PSD2: variants seen among roughly 807,000 people sequenced by gnomAD.
PSD2 encodes the protein PH and SEC7 domain-containing protein 2.
A neutral mutation model predicts 69.8 loss-of-function variants in PSD2; 38 were observed. The ratio of observed to expected loss-of-function variants is 0.54; its 90% confidence interval spans 0.42 to 0.71. The LOEUF is 0.71. PSD2 is among the 30% of genes least tolerant of loss of function. The pLI is 0.00. For synonymous variants in PSD2, 412 were observed against 423.0 expected (o/e 0.97, Z 0.32); for missense variants, 943 against 1,014.5 (o/e 0.93, Z 0.96).
At chr5:139,768,593 C>G in the PSD2 span, among the ~76,000 whole-genome samples, 2 of 152,040 alleles carry the variant, frequency 1.3e-5, no homozygotes. Flanking sequence ...CTTGGTGGCG[C>G]ATGCCTGTAA....
upstream of PSD2, among the ~76,000 whole-genome samples, chr5:139,791,700 G>A (rs1759419129): frequency 6.6e-6 from 1 of 152,266 alleles, no homozygotes; most frequent in South Asian, 2.1e-4. Context: ...AGGACACACA[G>A]CATGGTGAAA....
chr5:139,795,621 G>T (rs1384006172), upstream of PSD2, among the ~76,000 whole-genome samples: 5 of 151,884 alleles, frequency 3.3e-5, no homozygotes, highest in African/African-American at 4.8e-5. This position sits in a 1 kb window ranked among gnomAD's most constrained non-coding sequence, Gnocchi z 4.5. Context: ...GGTGGGCCGC[G>T]CTCTCCCCGG....
At chr5:139,781,610 C>T in the PSD2 span, among the ~76,000 whole-genome samples, 4 of 150,900 alleles carry the variant, frequency 2.7e-5, 1 homozygote, top group South Asian at 8.4e-4. Context: ...GCTGGGATTA[C>T]AGGTGTGAGC....
chr5:139,789,062 C>T, the PSD2 span, among the ~76,000 whole-genome samples: 2 of 152,216 alleles, frequency 1.3e-5, no homozygotes, highest in Non-Finnish European at 2.9e-5. Flanking sequence ...CCCAGGCCTC[C>T]GTGGCTCCCT....
chr5:139,791,871 T>A (rs528929720), upstream of PSD2, among the ~76,000 whole-genome samples: 11 of 152,302 alleles, frequency 7.2e-5, no homozygotes, highest in South Asian at 1.9e-3. Context: ...CTGGAGTTCC[T>A]TTGAGAGACA....
At chr5:139,817,676 T>A in intron 5 of PSD2, 115 bp downstream of exon 5, 1 of 879,718 alleles carries the variant, frequency 1.1e-6, no homozygotes, top group Non-Finnish European at 1.8e-6. Context: ...TTTTGACCCC[T>A]GGTGAGGCTG....
the PSD2 span, among the ~76,000 whole-genome samples, chr5:139,787,651 A>G: frequency 6.6e-6 from 1 of 152,138 alleles, no homozygotes; most frequent in African/African-American, 2.4e-5. Flanking sequence ...CGACCCCAAA[A>G]GAGCCCCCGT....
the PSD2 span, chr5:139,775,532 G>A: frequency 2.0e-5 from 3 of 152,458 alleles, no homozygotes; most frequent in Middle Eastern, 3.1e-3. Flanking sequence ...GAGACGTAGA[G>A]CCACTTACCC....
chr5:139,817,224 A>G (rs1207232169), intron 4 of PSD2, among the ~76,000 whole-genome samples: 1 of 152,182 alleles, frequency 6.6e-6, no homozygotes, highest in Non-Finnish European at 1.5e-5. Context: ...GGGACACTGC[A>G]TCATCCCACC....
Position 139,821,821 on chromosome 5 carries a change from G to C in PSD2, c.1098-72G>C, listed in dbSNP as rs1285139832. On this transcript the variant is annotated intron_variant, in intron 5 of 14. Coordinates refer to ENST00000274710, the MANE Select transcript of PSD2 (RefSeq NM_032289.4). ...TGGCCCCCTAGAGTGGGTGTGTGCT[G>C]TGTGTGTGGGGGGTGGTCTTACCCT... The C allele has an allele frequency of 2.0e-5, 16 of 818,910 alleles. No individual in the cohort carries two copies. In the East Asian group the frequency reaches 3.9e-4, roughly 20 times the overall value. 50.7% of individuals were successfully genotyped at this position (818,910 alleles called of 1,614,324 possible).
rs759043647 is a variant in PSD2 at position 139,821,443 on chromosome 5, G to A, written c.1098-450G>A. Among the ~76,000 whole-genome samples the A allele has an allele frequency of 3.1e-4, 47 of 152,176 alleles. 1 individual carries two copies. The highest frequency in any genetic ancestry group is 6.3e-4 in the Non-Finnish European group (43 of 68,032). ...AACTCAAACTTGGGGTAGGGGAGGAGTTGAGGGGCCAGAGTTGGGCCTGGG... is the reference window on the plus strand; with the variant it reads ...AACTCAAACTTGGGGTAGGGGAGGAATTGAGGGGCCAGAGTTGGGCCTGGG... On this transcript the variant is annotated intron_variant, in intron 5 of 14. Transcript: ENST00000274710.
intron 4 of PSD2, among the ~76,000 whole-genome samples, chr5:139,815,606 T>C (rs1290769400): frequency 6.6e-6 from 1 of 152,166 alleles, no homozygotes; most frequent in African/African-American, 2.4e-5. Context: ...TGTCTTTGAA[T>C]CTGGTGGTTG....
At chr5:139,786,608 C>G in the PSD2 span, among the ~76,000 whole-genome samples, 2 of 152,104 alleles carry the variant, frequency 1.3e-5, no homozygotes, top group African/African-American at 4.8e-5. Context: ...GCGGCTGACT[C>G]CAGGCTTCAC....
At chr5:139,819,471 T>C (rs1408228656) in intron 5 of PSD2, among the ~76,000 whole-genome samples, 1 of 152,230 alleles carries the variant, frequency 6.6e-6, no homozygotes, top group Non-Finnish European at 1.5e-5. Context: ...ACATCTTTTA[T>C]ATCTCTGAAA....
At chr5:139,817,451 T>C (rs1244150002) in intron 4 of PSD2, 30 bp from the exon 5 acceptor site, 2 of 1,598,984 alleles carry the variant, frequency 1.3e-6, no homozygotes, top group South Asian at 2.2e-5. Context: ...GGACCCTGCT[T>C]CTAACAGACA....
In PSD2 at chr5:139,806,527, G is replaced by A. The variant is rs867827329; in HGVS notation, c.-50-2864G>A. Among the ~76,000 whole-genome samples, 13 of 152,222 alleles carry A rather than the reference G, an allele frequency of 8.5e-5. No individual in the cohort carries two copies. In the South Asian group the frequency reaches 2.5e-3, roughly 29 times the overall value. The stretch of plus-strand genomic sequence containing the variant: ...TTTGTCAAATATGGCGGTAGAAAGG[G>A]TGGAGCACAGCTGCCTTTCATCCTT... On this transcript the variant is annotated intron_variant, in intron 1 of 14. Coordinates refer to ENST00000274710, the MANE Select transcript of PSD2 (RefSeq NM_032289.4).
the PSD2 span, among the ~76,000 whole-genome samples, chr5:139,767,130 C>A: frequency 6.6e-6 from 1 of 150,670 alleles, no homozygotes; most frequent in South Asian, 2.1e-4. Context: ...GTAGCTGGGA[C>A]TACAGGCACC....
intron 2 of PSD2, 69 bp downstream of exon 2, chr5:139,809,880 G>A: frequency 2.0e-6 from 3 of 1,524,324 alleles, no homozygotes; most frequent in South Asian, 2.4e-5. Flanking sequence ...CCTGGGCTTA[G>A]CCACTTAGTT....
chr5:139,784,548 G>A, the PSD2 span, among the ~76,000 whole-genome samples: 2 of 152,148 alleles, frequency 1.3e-5, no homozygotes, highest in Non-Finnish European at 2.9e-5. Context: ...GTCACTTAGA[G>A]TCAAAGCCAA....
Sources: gnomAD v4.1 joint callset for allele counts (sites outside exome capture counted in the v4.1 genomes callset) on GRCh38, gnomAD v4.1.1 for gene constraint, Gnocchi (gnomAD v3.1) non-coding constraint, MANE v1.5 for transcripts, NCBI Gene and HGNC (gene_info 2026-07-23, HGNC 2026-07-21) for gene names.